The following TCF4 variants were observed in gnomAD, a reference collection of about 807,000 sequenced individuals.
TCF4 encodes SL3-3 enhancer factor 2.
Under a neutral mutation model 82.1 loss-of-function variants are expected in TCF4, and 3 were observed. That is an observed-to-expected ratio of 0.04 (90% CI 0.02 to 0.09). The LOEUF (loss-of-function observed/expected upper bound fraction) is 0.09, where lower values mean the gene tolerates loss of function less well. TCF4 is among the 10% of genes least tolerant of loss of function. TCF4 has a pLI of 1.00. For synonymous variants in TCF4, 276 were observed against 309.6 expected (o/e 0.89, Z 1.14); for missense variants, 518 against 852.7 (o/e 0.61, Z 4.89).
At chr18:55,608,256 A>G (rs1358578384) in intron 2 of TCF4, among the ~76,000 whole-genome samples, 8 of 152,126 alleles carry the variant, frequency 5.3e-5, no homozygotes, top group Non-Finnish European at 7.4e-5. Flanking sequence ...TAGCAATGCA[A>G]TTTATTAAAC....
intron 6 of TCF4, among the ~76,000 whole-genome samples, chr18:55,364,242 T>C (rs535181396): frequency 6.6e-6 from 1 of 152,340 alleles, no homozygotes; most frequent in African/African-American, 2.4e-5. Context: ...CAAAAATACA[T>C]GTGCATAGAT....
At chr18:55,491,996 A>T (rs1452986585) in intron 3 of TCF4, among the ~76,000 whole-genome samples, 1 of 152,152 alleles carries the variant, frequency 6.6e-6, no homozygotes, top group African/African-American at 2.4e-5. Context: ...TATACTCAGA[A>T]CTTGTTAAAC....
At chr18:55,491,747 T>C (rs1316826573) in intron 3 of TCF4, among the ~76,000 whole-genome samples, 1 of 152,206 alleles carries the variant, frequency 6.6e-6, no homozygotes, top group Non-Finnish European at 1.5e-5. Flanking sequence ...GCATGTGCAA[T>C]GTGCCTCATG....
chr18:55,501,104 C>T (rs556331232), intron 3 of TCF4, among the ~76,000 whole-genome samples: 122 of 151,692 alleles, frequency 8.0e-4, no homozygotes, highest in African/African-American at 2.9e-3. Flanking sequence ...TTCATTTATC[C>T]CTAGAGGATG....
intron 8 of TCF4, among the ~76,000 whole-genome samples, chr18:55,316,671 T>G (rs2074226551): frequency 6.6e-6 from 1 of 152,030 alleles, no homozygotes; most frequent in Non-Finnish European, 1.5e-5. Flanking sequence ...ACATTTATAG[T>G]GGAACAGGAA....
chr18:55,443,638 G>A (rs984545819), intron 5 of TCF4, among the ~76,000 whole-genome samples: 1 of 152,104 alleles, frequency 6.6e-6, no homozygotes, highest in African/African-American at 2.4e-5. Context: ...CCTATCTATT[G>A]CCTGGTAAAT....
At chr18:55,430,658 G>A (rs2095161772) in intron 5 of TCF4, among the ~76,000 whole-genome samples, 1 of 151,898 alleles carries the variant, frequency 6.6e-6, no homozygotes, top group African/African-American at 2.4e-5. Context: ...AAAAAGAGTA[G>A]TGAGCGAAAC....
At chr18:55,422,083 A>G (rs1471234658) in intron 5 of TCF4, 4 of 654,596 alleles carry the variant, frequency 6.1e-6, no homozygotes, top group Non-Finnish European at 7.5e-6. Context: ...AAGGGAATAG[A>G]TTAAAAAGAA....
chr18:55,631,109 G>A (rs1486252184), intron 2 of TCF4, among the ~76,000 whole-genome samples: 2 of 151,378 alleles, frequency 1.3e-5, no homozygotes, highest in Non-Finnish European at 2.9e-5. Flanking sequence ...CAGTGCAGTG[G>A]CATGATCTCG....
intron 3 of TCF4, among the ~76,000 whole-genome samples, chr18:55,499,602 T>G (rs943666643): frequency 6.6e-6 from 1 of 152,086 alleles, no homozygotes; most frequent in Non-Finnish European, 1.5e-5. Context: ...ACAATTTAAT[T>G]GGGGGTGGGG....
chr18:55,493,022 T>C (rs2145847388), intron 3 of TCF4, among the ~76,000 whole-genome samples: 1 of 152,220 alleles, frequency 6.6e-6, no homozygotes, highest in African/African-American at 2.4e-5. Context: ...ACATCTCCAT[T>C]GACATAGCTA....
intron 3 of TCF4, among the ~76,000 whole-genome samples, chr18:55,509,671 A>G (rs969757609): frequency 6.6e-6 from 1 of 152,216 alleles, no homozygotes; most frequent in African/African-American, 2.4e-5. Flanking sequence ...CTAAAACAAT[A>G]GAGGGTTGCC....
intron 6 of TCF4, among the ~76,000 whole-genome samples, chr18:55,377,073 C>T (rs566097934): frequency 6.6e-6 from 1 of 152,198 alleles, no homozygotes; most frequent in Non-Finnish European, 1.5e-5. Context: ...GCCTACCTAC[C>T]AGTTCTTCCC....
At chr18:55,247,406 A>G (rs940454621) in intron 15 of TCF4, among the ~76,000 whole-genome samples, 6 of 152,248 alleles carry the variant, frequency 3.9e-5, no homozygotes, top group African/African-American at 1.4e-4. Flanking sequence ...TTTTGTACAG[A>G]CACAACAAAA....
intron 8 of TCF4, among the ~76,000 whole-genome samples, chr18:55,325,393 C>A (rs982535608): frequency 6.6e-6 from 1 of 152,210 alleles, no homozygotes; most frequent in African/African-American, 2.4e-5. Context: ...AAGAGCTGAA[C>A]TATCCACTCG....
chr18:55,257,213 T>C, intron 14 of TCF4, 102 bp downstream of exon 14: 1 of 1,236,616 alleles, frequency 8.1e-7, no homozygotes, highest in Non-Finnish European at 1.2e-6. Flanking sequence ...TGACTTAAAG[T>C]TACTAACAGG....
intron 3 of TCF4, among the ~76,000 whole-genome samples, chr18:55,475,623 C>G (rs1238637402): frequency 6.6e-6 from 1 of 152,216 alleles, no homozygotes; most frequent in Non-Finnish European, 1.5e-5. Context: ...GCCCTCAAGT[C>G]TCACTTGTAC....
At chr18:55,524,873 T>C (rs1568312251) in intron 3 of TCF4, among the ~76,000 whole-genome samples, 1 of 152,152 alleles carries the variant, frequency 6.6e-6, no homozygotes, top group Non-Finnish European at 1.5e-5. Flanking sequence ...AATTATCTAA[T>C]TAGCATTTCA....
rs1342422618 is a variant in TCF4 at position 55,224,054 on chromosome 18, T to G, written c.*3981A>C. ...TATATTTTTTATTTTTAAATTTAGTTTTTTTTTTTTCCTACTAGGGTGTAC... is the reference window on the plus strand; with the variant it reads ...TATATTTTTTATTTTTAAATTTAGTGTTTTTTTTTTCCTACTAGGGTGTAC... On this transcript the variant is annotated 3_prime_UTR_variant, in exon 20 of 20. Transcript: ENST00000354452. The G allele has an allele frequency of 4.8e-5, 4 of 84,044 alleles. No homozygotes were observed. Among genetic ancestry groups the G allele is most frequent in the South Asian group, 6.3e-4 (2 of 3,184 alleles). 5.2% of individuals were successfully genotyped at this position (84,044 alleles called of 1,614,324 possible).
Sources: gnomAD v4.1 joint callset for allele counts (sites outside exome capture counted in the v4.1 genomes callset) on GRCh38, gnomAD v4.1.1 for gene constraint, MANE v1.5 for transcripts, NCBI Gene and HGNC (gene_info 2026-07-23, HGNC 2026-07-21) for gene names.